The following ZCCHC7 variants were observed in gnomAD, a reference collection of about 807,000 sequenced individuals.
ZCCHC7 encodes zinc finger CCHC-type containing 7.
A neutral mutation model predicts 52.0 loss-of-function variants in ZCCHC7; 35 were observed. That is an observed-to-expected ratio of 0.67 (90% CI 0.51 to 0.89). The LOEUF is 0.89. Among genes scored for constraint, ZCCHC7 ranks in the 40% least tolerant of loss-of-function variants. The probability of loss-of-function intolerance (pLI) is 0.00; values close to 1 mark genes in which losing one functional copy is unlikely to be tolerated. For synonymous variants in ZCCHC7, 217 were observed against 221.5 expected, an observed-to-expected ratio of 0.98 and a Z score of 0.18; for missense variants, 574 against 649.1, an observed-to-expected ratio of 0.88 and a Z score of 1.26.
At chr9:37,287,618 A>G (rs1828315284) in intron 2 of ZCCHC7, among the ~76,000 whole-genome samples, 1 of 152,202 alleles carries the variant, frequency 6.6e-6, no homozygotes, top group Admixed American at 6.5e-5. Context: ...GAAGTACACA[A>G]AAACAGGTAG....
chr9:37,150,783 T>C (rs1226289621), intron 2 of ZCCHC7, among the ~76,000 whole-genome samples: 2 of 152,170 alleles, frequency 1.3e-5, no homozygotes, highest in Admixed American at 6.5e-5. Flanking sequence ...GTTTGTTTTA[T>C]GAGTTTTTAA....
At chr9:37,348,647 G>A (rs1370173873) in intron 6 of ZCCHC7, among the ~76,000 whole-genome samples, 1 of 152,022 alleles carries the variant, frequency 6.6e-6, no homozygotes, top group East Asian at 1.9e-4. Context: ...CAAAGTGCTG[G>A]GAGTACAGGT....
At chr9:37,198,058 A>C (rs1033504281) in intron 2 of ZCCHC7, among the ~76,000 whole-genome samples, 3 of 152,232 alleles carry the variant, frequency 2.0e-5, no homozygotes, top group Non-Finnish European at 4.4e-5. Context: ...AACAAAGCCT[A>C]AGCCTGTCTT....
At chr9:37,244,955 CCTATTT>C (rs1346447877) in intron 2 of ZCCHC7, among the ~76,000 whole-genome samples, 3 of 151,808 alleles carry the variant, frequency 2.0e-5, no homozygotes, top group Admixed American at 2.0e-4. Context: ...TGAATCAAAT[CCTATTT>C]TAATATATCA....
intron 6 of ZCCHC7, among the ~76,000 whole-genome samples, chr9:37,336,194 T>G (rs962800695): frequency 6.6e-6 from 1 of 152,272 alleles, no homozygotes; most frequent in African/African-American, 2.4e-5. Context: ...TAGCAAAATG[T>G]AGTGGTATAA....
chr9:37,126,250 A>G (rs1564128050), intron 1 of ZCCHC7, 62 bp from the exon 2 acceptor site: 1 of 1,444,394 alleles, frequency 6.9e-7, no homozygotes, highest in East Asian at 2.3e-5. Context: ...TGATATTGTT[A>G]CTTAAACTGG....
chr9:37,264,525 A>G (rs1426225317), intron 2 of ZCCHC7, among the ~76,000 whole-genome samples: 1 of 152,088 alleles, frequency 6.6e-6, no homozygotes, highest in Non-Finnish European at 1.5e-5. Flanking sequence ...TTTATTGTGT[A>G]TTGTGAACAC....
intron 2 of ZCCHC7, among the ~76,000 whole-genome samples, chr9:37,141,494 C>T (rs1843224726): frequency 6.6e-6 from 1 of 151,752 alleles, no homozygotes; most frequent in East Asian, 1.9e-4. Context: ...CATTGAGAAG[C>T]TGAAAAGATA....
chr9:37,165,858 T>C (rs1356021701), intron 2 of ZCCHC7, among the ~76,000 whole-genome samples: 1 of 152,242 alleles, frequency 6.6e-6, no homozygotes, highest in Non-Finnish European at 1.5e-5. Context: ...TCATCTGTTT[T>C]GGAAAATTCA....
chr9:37,243,216 T>A (rs1214365156), intron 2 of ZCCHC7, among the ~76,000 whole-genome samples: 5 of 151,796 alleles, frequency 3.3e-5, no homozygotes, highest in Non-Finnish European at 5.9e-5. Context: ...CCATTTGAAA[T>A]TTATATATAT....
Position 37,279,410 on chromosome 9 carries a change from TA to T in ZCCHC7, c.611-22768del, listed in dbSNP as rs200565840. 3.9e-3 allele frequency among the ~76,000 whole-genome samples: 577 copies of T among 146,848 alleles called. 3 individuals carry two copies. Among genetic ancestry groups the T allele is most frequent in the African/African-American group, 0.013 (510 of 40,236 alleles). On this transcript the variant is annotated intron_variant, in intron 2 of 8. Transcript: ENST00000336755. ...TATTTCAGTTCTTAGAACAGACACT[TA>T]AAAAAAAAAGACAAAAAAACATAAG... is the stretch of plus-strand genomic sequence containing the variant.
At chr9:37,144,421 G>A (rs1053539475) in intron 2 of ZCCHC7, among the ~76,000 whole-genome samples, 5 of 151,684 alleles carry the variant, frequency 3.3e-5, no homozygotes, top group Non-Finnish European at 7.4e-5. Context: ...GTTATTTGTG[G>A]GTTCATGTCA....
intron 2 of ZCCHC7, among the ~76,000 whole-genome samples, chr9:37,170,967 T>A (rs1821696004): frequency 6.6e-6 from 1 of 152,094 alleles, no homozygotes; most frequent in Non-Finnish European, 1.5e-5. Flanking sequence ...ACCAGGGAGT[T>A]TTTTTCTCCT....
In ZCCHC7 at chr9:37,237,006, G is replaced by T. The variant is rs183632248; in HGVS notation, c.611-65182G>T. On this transcript the variant is annotated intron_variant, in intron 2 of 8. Coordinates refer to ENST00000336755, the MANE Select transcript of ZCCHC7 (RefSeq NM_032226.3). Reference sequence around the variant, plus strand: ...AGTTTCCCGTAGGTCCTATTTTACAGTTATTATTTCAGTTCCTTCTACGCT... The same window carrying T: ...AGTTTCCCGTAGGTCCTATTTTACATTTATTATTTCAGTTCCTTCTACGCT... 2.0e-5 allele frequency among the ~76,000 whole-genome samples: 3 copies of T among 152,278 alleles called. No individual in the cohort carries two copies. The East Asian group carries it at 5.8e-4, about 29-fold the overall frequency.
At chr9:37,336,521 A>G (rs1830669998) in intron 6 of ZCCHC7, among the ~76,000 whole-genome samples, 1 of 152,124 alleles carries the variant, frequency 6.6e-6, no homozygotes, top group Admixed American at 6.6e-5. Flanking sequence ...CATGTGTTGT[A>G]AGTCATGTGG....
chr9:37,280,777 T>A (rs1827921158), intron 2 of ZCCHC7, among the ~76,000 whole-genome samples: 1 of 152,172 alleles, frequency 6.6e-6, no homozygotes, highest in African/African-American at 2.4e-5. Flanking sequence ...TCTCTTTGTC[T>A]TTCTTTCTTG....
chr9:37,311,989 T>C (rs641925), intron 5 of ZCCHC7, among the ~76,000 whole-genome samples: 4,711 of 152,304 alleles, frequency 0.031, 174 homozygotes, highest in African/African-American at 0.077. Flanking sequence ...AATGGAGAGT[T>C]ACTAGAGCAT....
rs549908782 is a variant in ZCCHC7, at chr9:37,357,271, C to T, written c.*3C>T. The T allele has an allele frequency of 1.3e-5, 21 of 1,583,114 alleles. No homozygotes were observed. Among genetic ancestry groups the T allele is most frequent in the South Asian group, 2.4e-5 (2 of 84,382 alleles). ...AGCAGAGAAAAAAAAAGTCTTAAGC[C>T]GTCAGGCAGCCTCTGATGTGGCTTT... On this transcript the variant is annotated 3_prime_UTR_variant, in exon 9 of 9. Coordinates refer to ENST00000336755, the MANE Select transcript of ZCCHC7 (RefSeq NM_032226.3).
chr9:37,125,257 C>T (rs1431095511), intron 1 of ZCCHC7, among the ~76,000 whole-genome samples: 1 of 152,218 alleles, frequency 6.6e-6, no homozygotes, highest in East Asian at 1.9e-4. Context: ...TCAAGCGGTT[C>T]TCCCACCTCA....
Sources: allele counts gnomAD v4.1 joint callset (sites outside exome capture counted in the v4.1 genomes callset), GRCh38; gene constraint gnomAD v4.1.1; transcripts MANE v1.5; gene names NCBI Gene and HGNC (gene_info 2026-07-23, HGNC 2026-07-21).